The following RPS6KC1 variants were observed in gnomAD, a reference collection of about 807,000 sequenced individuals.
The protein encoded by RPS6KC1 is ribosomal protein S6 kinase C1.
RPS6KC1 carries 54 observed loss-of-function variants against 103.8 expected under a neutral mutation model. The ratio of observed to expected loss-of-function variants is 0.52; its 90% CI spans 0.42 to 0.65. The LOEUF (loss-of-function observed/expected upper bound fraction) is 0.65. Among genes scored for constraint, RPS6KC1 ranks in the 30% least tolerant of loss-of-function variants. The pLI is 0.00. For missense variants in RPS6KC1, 1,151 were observed against 1,253.8 expected (o/e 0.92, Z 1.24); for synonymous variants, 439 against 438.7 (o/e 1.00, Z -0.01).
the RPS6KC1 span, among the ~76,000 whole-genome samples, chr1:213,742,291 T>C: frequency 6.6e-6 from 1 of 152,272 alleles, no homozygotes; most frequent in South Asian, 2.1e-4. Flanking sequence ...AATTTTGCTG[T>C]TCATTCCAAG....
At chr1:213,284,897 A>G in the RPS6KC1 span, among the ~76,000 whole-genome samples, 1 of 152,226 alleles carries the variant, frequency 6.6e-6, no homozygotes, top group African/African-American at 2.4e-5. Flanking sequence ...ATTTTATAGA[A>G]GGGCAAAAGT....
At chr1:213,846,542 A>G in the RPS6KC1 span, among the ~76,000 whole-genome samples, 1 of 152,154 alleles carries the variant, frequency 6.6e-6, no homozygotes, top group Non-Finnish European at 1.5e-5. Flanking sequence ...TCTCTCCTGA[A>G]GCCAATTTCT....
chr1:213,143,722 T>G (rs1480733218), intron 6 of RPS6KC1, among the ~76,000 whole-genome samples: 1 of 152,008 alleles, frequency 6.6e-6, no homozygotes, highest in Non-Finnish European at 1.5e-5. Context: ...CTACTTAACA[T>G]AAACTTAATG....
At chr1:213,858,941 G>A in the RPS6KC1 span, among the ~76,000 whole-genome samples, 1 of 152,166 alleles carries the variant, frequency 6.6e-6, no homozygotes, top group African/African-American at 2.4e-5. Context: ...TGCAAACAAA[G>A]TCATGTAAAT....
At chr1:213,496,587 G>A in the RPS6KC1 span, among the ~76,000 whole-genome samples, 1 of 152,040 alleles carries the variant, frequency 6.6e-6, no homozygotes, top group Non-Finnish European at 1.5e-5. Context: ...GTGAAACCCC[G>A]TCTCTACTAA....
chr1:213,570,056 C>T, the RPS6KC1 span, among the ~76,000 whole-genome samples: 1 of 152,122 alleles, frequency 6.6e-6, no homozygotes, highest in African/African-American at 2.4e-5. Context: ...CTTAGGAGGG[C>T]ATGGAGTAAG....
In RPS6KC1 at chr1:213,129,766, G is replaced by C; in HGVS notation, c.712G>C (p.Asp238His). 1 of 1,614,048 alleles carries C rather than the reference G, an allele frequency of 6.2e-7. No individual in the cohort carries two copies. ...TTTAAAGCCGAAGCTTGGCAAGAGA[G>C]ATTATTTGGAGAAAGCAGGAGAATT... ...GSLKPKLGKR[D>H]YLEKAGELIK... The change falls in exon 6 of 15, where the codon GAT (aspartate) becomes CAT (histidine). Residue 238 changes from aspartate to histidine, a missense_variant. Physicochemically the swap from Asp to His is moderately conservative, Grantham distance 81. This residue lies in a region of RPS6KC1 where 959 missense variants were observed against 1,006.3 expected (regional missense o/e 0.95). Coordinates refer to ENST00000366960, the MANE Select transcript of RPS6KC1 (RefSeq NM_012424.6).
At position 213,274,088 on chromosome 1, in the gene RPS6KC1, C is replaced by CTAT. The variant is rs1295825897; in HGVS notation, c.*1456_*1458dup. 3 of 152,124 alleles carry CTAT rather than the reference C, an allele frequency of 2.0e-5. No individual in the cohort carries two copies. Among genetic ancestry groups the CTAT allele is most frequent in the Admixed American group, 2.0e-4 (3 of 15,280 alleles). The allele number at this position is 152,124 out of a possible 1,614,324, so 9.4% of individuals were successfully genotyped here. On this transcript the variant is annotated 3_prime_UTR_variant, in exon 15 of 15. Transcript: ENST00000366960. ...AAGCATTTTTCCTTTTTCTATTATT[C>CTAT]TATTTCCCTTTTTCCTTTTTGGCCC...
At chr1:213,401,082 G>A in the RPS6KC1 span, among the ~76,000 whole-genome samples, 1 of 152,132 alleles carries the variant, frequency 6.6e-6, no homozygotes, top group Admixed American at 6.5e-5. Flanking sequence ...TGGGCTGAGG[G>A]TTGGGTCCAG....
At chr1:213,764,162 A>C in the RPS6KC1 span, among the ~76,000 whole-genome samples, 1 of 152,178 alleles carries the variant, frequency 6.6e-6, no homozygotes, top group Non-Finnish European at 1.5e-5. Flanking sequence ...ACCTTCATGC[A>C]CTTGTTCAGG....
At chr1:213,698,469 T>C in the RPS6KC1 span, among the ~76,000 whole-genome samples, 8 of 152,248 alleles carry the variant, frequency 5.3e-5, no homozygotes, top group African/African-American at 1.9e-4. Context: ...TCCTCTGGGA[T>C]TGAATGTTAC....
chr1:213,838,217 A>G, the RPS6KC1 span, among the ~76,000 whole-genome samples: 8 of 152,332 alleles, frequency 5.3e-5, no homozygotes, highest in Non-Finnish European at 8.8e-5. Flanking sequence ...AGTCACACCT[A>G]TATTTTTCCT....
chr1:213,773,784 T>C, the RPS6KC1 span, among the ~76,000 whole-genome samples: 3 of 152,176 alleles, frequency 2.0e-5, no homozygotes, highest in East Asian at 5.8e-4. Flanking sequence ...TCACCCACAT[T>C]ATAGAGGATG....
At chr1:213,109,782 G>A (rs193225034) in intron 4 of RPS6KC1, among the ~76,000 whole-genome samples, 140 of 151,454 alleles carry the variant, frequency 9.2e-4, no homozygotes, top group Admixed American at 1.6e-3. Context: ...GTGCAGACAG[G>A]TATTTTTGTT....
the RPS6KC1 span, among the ~76,000 whole-genome samples, chr1:213,465,043 C>T: frequency 6.6e-6 from 1 of 152,088 alleles, no homozygotes; most frequent in Non-Finnish European, 1.5e-5. Context: ...TTGAGGGGTA[C>T]AAAGGCCTTA....
chr1:213,553,720 A>G, the RPS6KC1 span, among the ~76,000 whole-genome samples: 1 of 152,138 alleles, frequency 6.6e-6, no homozygotes, highest in East Asian at 1.9e-4. Context: ...AATAATTGCC[A>G]TTCAAACTGG....
chr1:213,109,370 C>G (rs1572578768), intron 4 of RPS6KC1, among the ~76,000 whole-genome samples: 1 of 151,794 alleles, frequency 6.6e-6, no homozygotes, highest in East Asian at 2.0e-4. Context: ...ATCTCCTGAC[C>G]TCATGATCCA....
chr1:213,335,036 G>A, the RPS6KC1 span, among the ~76,000 whole-genome samples: 16 of 152,230 alleles, frequency 1.1e-4, no homozygotes, highest in South Asian at 1.7e-3. Flanking sequence ...AATGACTTCC[G>A]CGCCCCACCT....
the RPS6KC1 span, among the ~76,000 whole-genome samples, chr1:213,517,478 C>T: frequency 9.4e-3 from 1,438 of 152,254 alleles, 30 homozygotes; most frequent in African/African-American, 0.032. Context: ...GCCTTCATTT[C>T]GTTATGTACC....
Sources: allele counts gnomAD v4.1 joint callset (sites outside exome capture counted in the v4.1 genomes callset), GRCh38; gene constraint gnomAD v4.1.1; regional missense constraint gnomAD v4.1.1; transcripts MANE v1.5; gene names NCBI Gene and HGNC (gene_info 2026-07-23, HGNC 2026-07-21).